Variants in ELP2 observed in about 807,000 individuals in gnomAD.
The protein encoded by ELP2 is elongator acetyltransferase complex subunit 2, also known as elongator complex protein 2.
Under a neutral mutation model 119.2 loss-of-function variants are expected in ELP2, and 90 were observed. The observed-to-expected ratio is 0.75, with a 90% CI of 0.64 to 0.90. ELP2 has a LOEUF of 0.90. Ranked by LOEUF, ELP2 falls within the 40% of genes least tolerant of loss-of-function variation. The pLI is 0.00. For missense variants in ELP2, 921 were observed against 967.8 expected (o/e 0.95, Z 0.64); for synonymous variants, 339 against 331.0 (o/e 1.02, Z -0.26).
rs1456123635 is a variant in ELP2, at chr18:36,129,913, T to G, written c.-21T>G. The G allele has an allele frequency of 6.2e-6, 10 of 1,614,144 alleles. No homozygotes were observed. Among genetic ancestry groups the G allele is most frequent in the Non-Finnish European group, 7.6e-6 (9 of 1,180,036 alleles). Reference sequence around the variant, plus strand: ...GGCGGAAGTGCGCGTCTCTTGTTTGTGCGGCTGACCAGTTGGCGACATGGT... The same window carrying G: ...GGCGGAAGTGCGCGTCTCTTGTTTGGGCGGCTGACCAGTTGGCGACATGGT... On this transcript the variant is annotated 5_prime_UTR_variant, in exon 1 of 22. Coordinates refer to ENST00000358232, the MANE Select transcript of ELP2 (RefSeq NM_018255.4).
chr18:36,170,659 T>A (rs2091052462), intron 20 of ELP2, among the ~76,000 whole-genome samples: 1 of 152,204 alleles, frequency 6.6e-6, no homozygotes, highest in Admixed American at 6.5e-5. Context: ...CATAATAATT[T>A]TTAAATTGAT....
At chr18:36,134,491 TC>T (rs1160864764) in intron 2 of ELP2, among the ~76,000 whole-genome samples, 10 of 152,236 alleles carry the variant, frequency 6.6e-5, no homozygotes, top group Admixed American at 6.5e-4. Context: ...TTGGGGTTTT[TC>T]CCCATCAAAA....
At position 36,172,179 on chromosome 18, in the gene ELP2, A is replaced by T. The variant is rs867169407; in HGVS notation, c.2324+1019A>T. On this transcript the variant is annotated intron_variant, in intron 21 of 21. Transcript: ENST00000358232. ...CTACTTGGGAGGGTGAAGTGGGAGG[A>T]TCACTTGAGCCCAGGAGGTTGAGGC... Among the ~76,000 whole-genome samples the T allele has an allele frequency of 9.9e-5, 15 of 152,192 alleles. 1 individual carries two copies. In the Middle Eastern group the frequency reaches 0.027, roughly 276 times the overall value.
At chr18:36,157,415 G>C (rs942150743) in intron 13 of ELP2, among the ~76,000 whole-genome samples, 2 of 152,130 alleles carry the variant, frequency 1.3e-5, no homozygotes, top group Non-Finnish European at 2.9e-5. Flanking sequence ...AAAGGGAAGA[G>C]AGAGAGAGCA....
intron 6 of ELP2, 138 bp from the exon 7 acceptor site, chr18:36,142,143 A>G: frequency 1.3e-6 from 1 of 742,248 alleles, no homozygotes; most frequent in Non-Finnish European, 2.4e-6. Context: ...TCCCAAAGGA[A>G]TGCTTTTTCT....
At chr18:36,145,308 T>G (rs1482287063) in intron 9 of ELP2, 3 of 398,582 alleles carry the variant, frequency 7.5e-6, no homozygotes, top group African/African-American at 2.1e-5. Flanking sequence ...TCCACTTGAT[T>G]ATTATGGGAT....
At chr18:36,172,696 A>G (rs1188991333) in intron 21 of ELP2, among the ~76,000 whole-genome samples, 3 of 152,154 alleles carry the variant, frequency 2.0e-5, no homozygotes, top group Non-Finnish European at 4.4e-5. Context: ...GCCTGCCCAC[A>G]GTGCTCCCTT....
chr18:36,170,255 C>T (rs2091038606), intron 20 of ELP2, 59 bp downstream of exon 20: 1 of 1,596,916 alleles, frequency 6.3e-7, no homozygotes, highest in Non-Finnish European at 8.6e-7. Flanking sequence ...AATATGTAGC[C>T]CTCATGTCAT....
Position 36,148,284 on chromosome 18 carries a change from G to A in ELP2, c.1125+1903G>A, listed in dbSNP as rs191540690. ...AATTTTTTGTATTTTTAGTAGAGACGGGGCTTCATGGTTTTAGCACCTCGT... is the reference window on the plus strand; with the variant it reads ...AATTTTTTGTATTTTTAGTAGAGACAGGGCTTCATGGTTTTAGCACCTCGT... On this transcript the variant is annotated intron_variant, in intron 11 of 21. Transcript: ENST00000358232. Among the ~76,000 whole-genome samples the A allele has an allele frequency of 3.9e-5, 6 of 152,076 alleles. No homozygotes were observed. In the East Asian group the frequency reaches 1.2e-3, roughly 29 times the overall value.
chr18:36,137,976 T>C (rs994280715), intron 3 of ELP2: 1 of 363,746 alleles, frequency 2.7e-6, no homozygotes, highest in African/African-American at 2.1e-5. Flanking sequence ...TCTGAATCTC[T>C]TCATAATGAA....
chr18:36,138,041 G>A, intron 3 of ELP2: 2 of 499,140 alleles, frequency 4.0e-6, no homozygotes, highest in East Asian at 3.7e-5. Flanking sequence ...ATATTCTTCA[G>A]AATACCTATT....
Position 36,156,618 on chromosome 18 carries a change from C to T in ELP2, c.1428C>T (p.Ala476=). 1 of 1,614,016 alleles carries T rather than the reference C, an allele frequency of 6.2e-7. No individual in the cohort carries two copies. Among genetic ancestry groups the T allele is most frequent in the Non-Finnish European group, 8.5e-7 (1 of 1,179,984 alleles). The change falls in exon 13 of 22, where the codon GCC becomes GCT. Residue 476 remains alanine (A), a synonymous_variant. Transcript: ENST00000358232. ...GGAATTTTGTGGAAAATTTTTGTGC[C>T]ATTACAGGACAATCACTGAATCATG... The part of the protein sequence containing the change: ...APRNFVENFC[A]ITGQSLNHVL...
chr18:36,130,021 G>A lies in ELP2; in HGVS notation c.88G>A (p.Gly30Arg). ...GVLNWSSGPR[G>R]LLAFGTSCSV... Reference sequence around the variant, plus strand: ...CCTGAACTGGAGCTCTGGGCCCAGAGGACTTCTGGCCTTTGGCACGTCCTG... The same window carrying A: ...CCTGAACTGGAGCTCTGGGCCCAGAAGACTTCTGGCCTTTGGCACGTCCTG... The change falls in exon 1 of 22, where the codon GGA becomes AGA. Residue 30 changes from glycine to arginine, a missense_variant. Coordinates refer to ENST00000358232, the MANE Select transcript of ELP2 (RefSeq NM_018255.4). 1 of 1,614,192 alleles carries A rather than the reference G, an allele frequency of 6.2e-7. No individual in the cohort carries two copies. Among genetic ancestry groups the A allele is most frequent in the Non-Finnish European group, 8.5e-7 (1 of 1,180,028 alleles).
chr18:36,158,868 C>T lies in ELP2; in HGVS notation c.1498C>T (p.Pro500Ser), dbSNP rs754023304. 2 of 1,611,426 alleles carry T rather than the reference C, an allele frequency of 1.2e-6. No homozygotes were observed. The highest frequency in any genetic ancestry group is 1.7e-6 in the Non-Finnish European group (2 of 1,177,678). Residue 500 changes from proline (P) to serine (S), a missense_variant, in exon 14 of 22, where the codon CCT becomes TCT. Pro to Ser is a moderately conservative substitution (Grantham distance 74). Transcript: ENST00000358232. ...DSDLPEGATV[P>S]ALGLSNKAVF... ...TGATCTTCCAGAAGGAGCCACTGTCCCTGCATTGGGATTATCAAATAAAGC... is the reference window on the plus strand; with the variant it reads ...TGATCTTCCAGAAGGAGCCACTGTCTCTGCATTGGGATTATCAAATAAAGC...
chr18:36,161,820 AC>A (rs965747528), intron 17 of ELP2, among the ~76,000 whole-genome samples: 5 of 150,364 alleles, frequency 3.3e-5, no homozygotes, highest in Admixed American at 1.3e-4. Flanking sequence ...CCCTACACCC[AC>A]CCCTACCCCA....
Position 36,164,491 on chromosome 18 carries a change from A to G in ELP2, c.1778A>G (p.His593Arg), listed in dbSNP as rs761763158. 14 of 1,613,940 alleles carry G rather than the reference A, an allele frequency of 8.7e-6. No homozygotes were observed. The highest frequency in any genetic ancestry group is 2.2e-5 in the East Asian group (1 of 44,882). ...GTCCTATAGGCAGCTAAGAAAGAGC[A>G]TGCAGCTATCATTCTTTGGAACACT... The part of the protein sequence containing the change: ...ASACKAAKKE[H>R]AAIILWNTTS... The change falls in exon 18 of 22, where the codon CAT (histidine) becomes CGT (arginine). Residue 593 changes from histidine (H) to arginine (R), a missense_variant. Physicochemically the swap from His to Arg is conservative, Grantham distance 29. Transcript: ENST00000358232.
intron 5 of ELP2, among the ~76,000 whole-genome samples, chr18:36,140,342 A>ATTTATT (rs977679349): frequency 6.9e-6 from 1 of 145,984 alleles, no homozygotes; most frequent in Admixed American, 6.8e-5. Context: ...ATGCTCTTTT[A>ATTTATT]TTTATTTTTA....
chr18:36,165,064 T>C (rs2090855108), intron 18 of ELP2: 1 of 215,940 alleles, frequency 4.6e-6, no homozygotes, highest in South Asian at 6.9e-5. Flanking sequence ...AAACTCATGG[T>C]TGAGTGGTTT....
chr18:36,177,733 A>G lies in ELP2; in HGVS notation c.*3092A>G, dbSNP rs2091258319. On this transcript the variant is annotated 3_prime_UTR_variant, in exon 22 of 22. Coordinates refer to ENST00000358232, the MANE Select transcript of ELP2 (RefSeq NM_018255.4). ...CGGTACTAAAAAAAAAGTGCTCCAA[A>G]GTAAGATATATTTGGGAAACACAGG... 1 of 152,212 alleles carries G rather than the reference A, an allele frequency of 6.6e-6. No homozygotes were observed. The highest frequency in any genetic ancestry group is 1.5e-5 in the Non-Finnish European group (1 of 68,034). 9.4% of individuals were successfully genotyped at this position (152,212 alleles called of 1,614,324 possible).
Sources: allele counts gnomAD v4.1 joint callset (sites outside exome capture counted in the v4.1 genomes callset), GRCh38; gene constraint gnomAD v4.1.1; transcripts MANE v1.5; gene names NCBI Gene and HGNC (gene_info 2026-07-23, HGNC 2026-07-21).